SPHKAP: variants seen among roughly 807,000 people sequenced by gnomAD.
The protein encoded by SPHKAP is A-kinase anchor protein SPHKAP.
Under a neutral mutation model 137.5 loss-of-function variants are expected in SPHKAP, and 67 were observed. The observed-to-expected ratio is 0.49, with a 90% CI of 0.40 to 0.60. The LOEUF (loss-of-function observed/expected upper bound fraction) is 0.60. Ranked by LOEUF, SPHKAP falls within the 20% of genes least tolerant of loss-of-function variation. SPHKAP has a pLI of 0.00. For missense variants in SPHKAP, 2,097 were observed against 2,069.3 expected (o/e 1.01, Z -0.26); for synonymous variants, 813 against 785.3 (o/e 1.04, Z -0.59).
At chr2:228,121,127 G>T (rs1402356661) in intron 2 of SPHKAP, among the ~76,000 whole-genome samples, 1 of 152,188 alleles carries the variant, frequency 6.6e-6, no homozygotes, top group African/African-American at 2.4e-5. Context: ...AGGTAGTGAA[G>T]AATTTGCCAC....
chr2:228,134,234 GAGGAAGGAAGGA>G (rs71043028), intron 1 of SPHKAP, among the ~76,000 whole-genome samples: 1 of 141,314 alleles, frequency 7.1e-6, no homozygotes. Flanking sequence ...AGGAGGGAGG[GAGGAAGGAAGGA>G]AGGAAGGAAG....
intron 3 of SPHKAP, among the ~76,000 whole-genome samples, chr2:228,078,847 C>G (rs1317973010): frequency 6.6e-6 from 1 of 152,106 alleles, no homozygotes. Context: ...TGCCTCAGAC[C>G]TCAAAACCAG....
At chr2:228,130,137 C>A (rs1037198748) in intron 2 of SPHKAP, among the ~76,000 whole-genome samples, 2 of 151,998 alleles carry the variant, frequency 1.3e-5, no homozygotes, top group Admixed American at 6.6e-5. Context: ...CCCAAATAGC[C>A]CTTTCAGTTC....
At chr2:228,048,079 G>T (rs1182479789) in intron 3 of SPHKAP, among the ~76,000 whole-genome samples, 1 of 152,110 alleles carries the variant, frequency 6.6e-6, no homozygotes. Flanking sequence ...GGAGAAAAAA[G>T]TTGTATCTTA....
chr2:227,997,786 T>C (rs2106172067), intron 7 of SPHKAP, among the ~76,000 whole-genome samples: 1 of 152,192 alleles, frequency 6.6e-6, no homozygotes, highest in East Asian at 1.9e-4. Context: ...ATATAGTTAT[T>C]TGTGTATATA....
chr2:228,095,707 C>T (rs1401733518), intron 3 of SPHKAP, among the ~76,000 whole-genome samples: 1 of 151,654 alleles, frequency 6.6e-6, no homozygotes, highest in Non-Finnish European at 1.5e-5. Flanking sequence ...GAGTGAAGGT[C>T]AAGAAAAATA....
intron 1 of SPHKAP, among the ~76,000 whole-genome samples, chr2:228,144,239 A>G (rs967893430): frequency 1.3e-5 from 2 of 152,082 alleles, no homozygotes; most frequent in Non-Finnish European, 2.9e-5. Context: ...ATGATGTTCC[A>G]ATGTTCTATA....
chr2:228,068,196 G>A (rs1174792908), intron 3 of SPHKAP, among the ~76,000 whole-genome samples: 1 of 151,952 alleles, frequency 6.6e-6, no homozygotes, highest in Non-Finnish European at 1.5e-5. Context: ...CTGCAATGAA[G>A]CTATAAAATA....
intron 3 of SPHKAP, among the ~76,000 whole-genome samples, chr2:228,030,109 A>T (rs6436747): frequency 0.38 from 58,090 of 152,010 alleles, 11,552 homozygotes; most frequent in South Asian, 0.51. Context: ...CAAGACACAA[A>T]CCAACTTCTT....
intron 7 of SPHKAP, among the ~76,000 whole-genome samples, chr2:228,001,470 TA>T (rs1693884146): frequency 7.0e-6 from 1 of 143,612 alleles, no homozygotes; most frequent in African/African-American, 2.5e-5. Context: ...TATACGTATA[TA>T]TAAAAATATA....
At chr2:228,134,693 G>A (rs1699379411) in intron 1 of SPHKAP, among the ~76,000 whole-genome samples, 1 of 152,202 alleles carries the variant, frequency 6.6e-6, no homozygotes. Flanking sequence ...TCTAAGTCAA[G>A]TTATATGACT....
rs557234710 is a variant in SPHKAP, at chr2:228,134,846, C to T, written c.33-2761G>A. On this transcript the variant is annotated intron_variant, in intron 1 of 11. Coordinates refer to ENST00000392056, the MANE Select transcript of SPHKAP (RefSeq NM_001142644.2). ...CCCTTTCATGCAGGCCATCCCTGGACTTATGCCCAGTACTAAGACATCTCC... is the reference window on the plus strand; with the variant it reads ...CCCTTTCATGCAGGCCATCCCTGGATTTATGCCCAGTACTAAGACATCTCC... 5.0e-4 allele frequency among the ~76,000 whole-genome samples: 76 copies of T among 152,304 alleles called. 1 individual carries two copies. Among genetic ancestry groups the T allele is most frequent in the African/African-American group, 1.7e-3 (72 of 41,560 alleles).
At chr2:228,056,615 A>C (rs1271486414) in intron 3 of SPHKAP, among the ~76,000 whole-genome samples, 1 of 151,966 alleles carries the variant, frequency 6.6e-6, no homozygotes, top group Non-Finnish European at 1.5e-5. Context: ...TTTGTTCTCC[A>C]GGAAGTATGA....
chr2:228,002,464 T>C (rs1173603701), intron 7 of SPHKAP, among the ~76,000 whole-genome samples: 1 of 152,246 alleles, frequency 6.6e-6, no homozygotes, highest in Non-Finnish European at 1.5e-5. Flanking sequence ...ATTCTGGATA[T>C]TAGCCCTTTG....
rs200781847 is a variant in SPHKAP, at chr2:228,108,866, C to G, written c.212G>C (p.Gly71Ala). Reference protein sequence around the residue: ...LQNQRMPCQIGFVEDKSENCA... With the variant: ...LQNQRMPCQIAFVEDKSENCA... ...GTTTTCAGACTTGTCTTCTACAAAACCAATTTGGCAGGGCATCCTCTGATT... is the reference window on the plus strand; with the variant it reads ...GTTTTCAGACTTGTCTTCTACAAAAGCAATTTGGCAGGGCATCCTCTGATT... The change falls in exon 3 of 12, where the codon GGT becomes GCT. Residue 71 changes from glycine (G) to alanine (A), a missense_variant. Gly to Ala is a moderately conservative substitution (Grantham distance 60). Coordinates refer to ENST00000392056, the MANE Select transcript of SPHKAP (RefSeq NM_001142644.2). 1.9e-6 allele frequency: 3 copies of G among 1,610,436 alleles called. No homozygotes were observed. The African/African-American group carries it at 4.0e-5, about 22-fold the overall frequency.
chr2:228,154,652 C>A (rs1332818101), intron 1 of SPHKAP, among the ~76,000 whole-genome samples: 8 of 141,130 alleles, frequency 5.7e-5, no homozygotes, highest in African/African-American at 2.1e-4. Flanking sequence ...AGGTTCACGC[C>A]ATTCTCCTAC....
At chr2:228,165,733 C>T (rs1700405019) in intron 1 of SPHKAP, among the ~76,000 whole-genome samples, 1 of 152,168 alleles carries the variant, frequency 6.6e-6, no homozygotes, top group African/African-American at 2.4e-5. Context: ...TTAAGCCAGT[C>T]TCTGCAATTA....
At chr2:228,069,470 T>TG (rs1174126516) in intron 3 of SPHKAP, among the ~76,000 whole-genome samples, 27 of 139,040 alleles carry the variant, frequency 1.9e-4, no homozygotes, top group South Asian at 1.1e-3. Context: ...TTTTTAGAGA[T>TG]GGGGGGGTCT....
At chr2:228,175,013 G>GAA (rs60971800) in intron 1 of SPHKAP, among the ~76,000 whole-genome samples, 67 of 98,028 alleles carry the variant, frequency 6.8e-4, no homozygotes, top group Admixed American at 2.0e-3. Flanking sequence ...TTATCCATCT[G>GAA]AAAAAAAAAA....
Sources: gnomAD v4.1 joint callset for allele counts (sites outside exome capture counted in the v4.1 genomes callset) on GRCh38, gnomAD v4.1.1 for gene constraint, MANE v1.5 for transcripts, NCBI Gene and HGNC (gene_info 2026-07-23, HGNC 2026-07-21) for gene names.